Variants in TIPIN observed in about 807,000 individuals in gnomAD.
TIPIN encodes the protein TIMELESS interacting protein, also known as TIMELESS-interacting protein.
Under a neutral mutation model 35.6 loss-of-function variants are expected in TIPIN, and 29 were observed. That is an observed-to-expected ratio of 0.82 (90% confidence interval 0.61 to 1.11). The LOEUF (loss-of-function observed/expected upper bound fraction) is 1.11, where lower values mean the gene tolerates loss of function less well. Among genes scored for constraint, TIPIN ranks in the 50% most tolerant of loss-of-function variants. The pLI, the probability that TIPIN is intolerant of heterozygous loss-of-function variation, is 0.00. For synonymous variants in TIPIN, 102 were observed against 121.5 expected (o/e 0.84, Z 1.06); for missense variants, 296 against 345.4 (o/e 0.86, Z 1.13).
At position 66,382,393 on chromosome 15, in the gene TIPIN, A is replaced by G. The variant is rs58834931; in HGVS notation, c.-9+4214T>C. The G allele has an allele frequency of 7.1e-6, 7 of 984,916 alleles. No homozygotes were observed. The East Asian group carries it at 5.7e-4, about 80-fold the overall frequency. The allele number at this position is 984,916 out of a possible 1,614,324, so 61.0% of individuals were successfully genotyped here. ...ACTCCTCAATTCTTGATATGTTTTC[A>G]TCACTGGTTGTCCTTGTATTTCTTC... On this transcript the variant is annotated intron_variant, in intron 1 of 7. Transcript: ENST00000562124.
intron 1 of TIPIN, chr15:66,379,344 T>G: frequency 6.3e-7 from 1 of 1,594,260 alleles, no homozygotes; most frequent in East Asian, 2.2e-5. Context: ...ATCTTATTCA[T>G]CATCCTGCTG....
intron 1 of TIPIN, among the ~76,000 whole-genome samples, chr15:66,377,747 G>A (rs918545831): frequency 2.0e-5 from 3 of 151,784 alleles, no homozygotes; most frequent in Non-Finnish European, 4.4e-5. Flanking sequence ...CGCAATCTCG[G>A]CTCACTGCAA....
chr15:66,363,127 C>G (rs2093238398), intron 1 of TIPIN, among the ~76,000 whole-genome samples: 1 of 152,180 alleles, frequency 6.6e-6, no homozygotes, highest in Non-Finnish European at 1.5e-5. Context: ...TCTGTAATCC[C>G]AGCACTTTGG....
At chr15:66,384,419 T>C (rs1370691637) in intron 1 of TIPIN, among the ~76,000 whole-genome samples, 1 of 152,028 alleles carries the variant, frequency 6.6e-6, no homozygotes, top group Non-Finnish European at 1.5e-5. Flanking sequence ...CTCAGCCTCC[T>C]GAGTAGCTGG....
At chr15:66,364,311 G>A (rs1331764373) in intron 1 of TIPIN, among the ~76,000 whole-genome samples, 1 of 151,546 alleles carries the variant, frequency 6.6e-6, no homozygotes, top group African/African-American at 2.4e-5. Context: ...GATTACAGAT[G>A]GGCGCCGCCA....
chr15:66,357,912 T>A (rs940100169), upstream of TIPIN, among the ~76,000 whole-genome samples: 1 of 151,564 alleles, frequency 6.6e-6, no homozygotes, highest in Non-Finnish European at 1.5e-5. Flanking sequence ...GCTGAGATCA[T>A]GCCATTGCAC....
rs751537344 is a variant in TIPIN, at chr15:66,352,128, C to T, written c.212+1G>A. 5 of 1,594,898 alleles carry T rather than the reference C, an allele frequency of 3.1e-6. No homozygotes were observed. In the Admixed American group the frequency reaches 8.7e-5, roughly 28 times the overall value. ...AATGTATAAGAATATAGTAAATGTA[C>T]CTCTGAGCATCCAGCTTGGGTATAT... On this transcript the variant is annotated splice_donor_variant, in intron 3 of 7. Coordinates refer to ENST00000261881, the MANE Select transcript of TIPIN (RefSeq NM_017858.3). LOFTEE classifies it high-confidence loss of function.
intron 6 of TIPIN, among the ~76,000 whole-genome samples, chr15:66,346,818 G>C (rs2140452799): frequency 6.6e-6 from 1 of 151,436 alleles, no homozygotes; most frequent in South Asian, 2.1e-4. Flanking sequence ...TTTTGAGACG[G>C]AGTCTTGCTG....
At position 66,352,816 on chromosome 15, in the gene TIPIN, T is replaced by C. The variant is rs148343357; in HGVS notation, c.132A>G (p.Glu44=). The C allele has an allele frequency of 9.9e-6, 16 of 1,611,292 alleles. No individual in the cohort carries two copies. The Admixed American group carries it at 1.5e-4, about 15-fold the overall frequency. ...CTTTTTAAAACTCTCTATACATACC[T>C]TCATCAGGCTCAGTTCCTTCACCAT... ...RQDGEGTEPD[E]ESGNGAPVRV... is the part of the protein sequence containing the mutation. The change falls in exon 2 of 8, where the codon GAA becomes GAG. Residue 44 remains glutamate (E), a splice_region_variant and synonymous_variant. Coordinates refer to ENST00000261881, the MANE Select transcript of TIPIN (RefSeq NM_017858.3).
At chr15:66,379,637 C>T (rs1185910306) in intron 1 of TIPIN, 2 of 1,609,508 alleles carry the variant, frequency 1.2e-6, no homozygotes, top group African/African-American at 2.7e-5. Context: ...CATACACAGA[C>T]CTCATCTTGT....
chr15:66,376,283 T>C (rs1012340769), intron 1 of TIPIN, among the ~76,000 whole-genome samples: 3 of 152,204 alleles, frequency 2.0e-5, no homozygotes, highest in African/African-American at 4.8e-5. Flanking sequence ...TTTGTATAAA[T>C]GTGTCATGAT....
rs941140897 is a variant in TIPIN, at chr15:66,351,409, A to G, written c.288+116T>C. ...GTACATCACAACTGTTTCTCAAGAC[A>G]TACGACGACTAAGGATAGTATCTTA... On this transcript the variant is annotated intron_variant, in intron 4 of 7. Coordinates refer to ENST00000261881, the MANE Select transcript of TIPIN (RefSeq NM_017858.3). 4 of 757,700 alleles carry G rather than the reference A, an allele frequency of 5.3e-6. No homozygotes were observed. In the African/African-American group the frequency reaches 7.1e-5, roughly 13 times the overall value. The allele number at this position is 757,700 out of a possible 1,614,324, so 46.9% of individuals were successfully genotyped here. A position where few individuals can be genotyped will look rare whatever the true frequency, so the allele number is the denominator to read the frequency against.
chr15:66,359,204 T>C (rs1262537547), upstream of TIPIN, among the ~76,000 whole-genome samples: 6 of 149,218 alleles, frequency 4.0e-5, no homozygotes, highest in Non-Finnish European at 7.4e-5. Flanking sequence ...CACACAAAGA[T>C]AGAAAGTAAA....
intron 1 of TIPIN, among the ~76,000 whole-genome samples, chr15:66,364,306 C>T (rs942926609): frequency 6.6e-6 from 1 of 151,606 alleles, no homozygotes; most frequent in African/African-American, 2.4e-5. Flanking sequence ...GCTGGGATTA[C>T]AGATGGGCGC....
At chr15:66,342,186 C>A (rs1345199001) in intron 6 of TIPIN, among the ~76,000 whole-genome samples, 29 of 108,504 alleles carry the variant, frequency 2.7e-4, no homozygotes, top group African/African-American at 8.9e-4. Flanking sequence ...AAGACTGTCT[C>A]AAAAAAAAAA....
intron 1 of TIPIN, among the ~76,000 whole-genome samples, chr15:66,353,812 CT>C (rs35445159): frequency 0.056 from 8,579 of 152,092 alleles, 344 homozygotes; most frequent in Middle Eastern, 0.11. Context: ...ACAACTGACA[CT>C]TTTGGTCAGT....
intron 1 of TIPIN, among the ~76,000 whole-genome samples, chr15:66,380,440 T>C (rs1358885312): frequency 6.6e-6 from 1 of 152,246 alleles, no homozygotes; most frequent in East Asian, 1.9e-4. Flanking sequence ...AAAATAGTTG[T>C]GTCCAGTGCT....
intron 1 of TIPIN, chr15:66,379,125 G>C (rs1340939436): frequency 3.5e-6 from 2 of 567,026 alleles, no homozygotes; most frequent in African/African-American, 3.8e-5. Context: ...CTGGCGTTAA[G>C]CAATTGTCCC....
At chr15:66,386,203 A>G (rs903149906) in intron 1 of TIPIN, among the ~76,000 whole-genome samples, 1 of 152,062 alleles carries the variant, frequency 6.6e-6, no homozygotes, top group Non-Finnish European at 1.5e-5. Flanking sequence ...GAGGCAGGAG[A>G]ATCGCTTGAA....
Sources: allele counts gnomAD v4.1 joint callset (sites outside exome capture counted in the v4.1 genomes callset), GRCh38; gene constraint gnomAD v4.1.1; transcripts MANE v1.5; gene names NCBI Gene and HGNC (gene_info 2026-07-23, HGNC 2026-07-21).